The following CCND3 variants were observed in gnomAD, a reference collection of about 807,000 sequenced individuals.
CCND3 encodes cyclin D3.
A neutral mutation model predicts 28.7 loss-of-function variants in CCND3; 9 were observed. That is an observed-to-expected ratio of 0.31 (90% confidence interval 0.19 to 0.55). CCND3 has a LOEUF of 0.55. CCND3 is among the 20% of genes least tolerant of loss of function. The pLI, the probability that CCND3 is intolerant of heterozygous loss-of-function variation, is 0.93. For synonymous variants in CCND3, 164 were observed against 163.9 expected (o/e 1.00, Z 0.00); for missense variants, 315 against 385.8 (o/e 0.82, Z 1.54).
intron 1 of CCND3, among the ~76,000 whole-genome samples, chr6:42,025,864 G>A (rs1763861355): frequency 6.6e-6 from 1 of 152,158 alleles, no homozygotes. Context: ...TCACACACAC[G>A]GAACATGGTA....
At chr6:42,017,649 TTG>T (rs1763562627) in intron 1 of CCND3, among the ~76,000 whole-genome samples, 1 of 152,134 alleles carries the variant, frequency 6.6e-6, no homozygotes, top group Non-Finnish European at 1.5e-5. Context: ...AAGGCAGGCA[TTG>T]TGTCTCATGG....
chr6:42,016,593 CTTTTTTT>C lies in CCND3; in HGVS notation c.-46+31901_-46+31907del, dbSNP rs377188844. On this transcript the variant is annotated intron_variant, in intron 1 of 4. Transcript: ENST00000372988. Reference sequence around the variant, plus strand: ...TGTTAGCTGCTATTACTATCTATTACTTTTTTTTTTTTTTTTTGAGACGGAGTTATTG... The same window carrying C: ...TGTTAGCTGCTATTACTATCTATTACTTTTTTTTTTGAGACGGAGTTATTG... Among the ~76,000 whole-genome samples, 620 of 138,564 alleles carry C rather than the reference CTTTTTTT, an allele frequency of 4.5e-3. 11 individuals are homozygous for C. The highest frequency in any genetic ancestry group is 0.023 in the South Asian group (99 of 4,398). The allele number at this position is 138,564 out of a possible 152,430, so 90.9% of individuals were successfully genotyped here.
At chr6:42,040,041 C>T (rs546322667) in intron 1 of CCND3, among the ~76,000 whole-genome samples, 2 of 152,238 alleles carry the variant, frequency 1.3e-5, no homozygotes, top group African/African-American at 4.8e-5. Context: ...AATGTCTCAA[C>T]AGGGAACCCA....
At chr6:41,978,632 G>A in intron 1 of CCND3, among the ~76,000 whole-genome samples, 1 of 152,056 alleles carries the variant, frequency 6.6e-6, no homozygotes. Flanking sequence ...GGAGGTGTTG[G>A]GGGAAGTGTG....
At chr6:41,978,230 C>T (rs917389576) in intron 1 of CCND3, among the ~76,000 whole-genome samples, 7 of 150,368 alleles carry the variant, frequency 4.7e-5, no homozygotes, top group Admixed American at 1.3e-4. Context: ...AAAAATTAGC[C>T]GGGCACGGTG....
chr6:42,029,540 C>T (rs1763984034), intron 1 of CCND3, among the ~76,000 whole-genome samples: 1 of 152,108 alleles, frequency 6.6e-6, no homozygotes, highest in Admixed American at 6.6e-5. Context: ...GAGACCCCCA[C>T]ACATACTCTC....
At chr6:42,029,391 C>CTA (rs1763980431) in intron 1 of CCND3, among the ~76,000 whole-genome samples, 1 of 152,024 alleles carries the variant, frequency 6.6e-6, no homozygotes, top group African/African-American at 2.4e-5. Flanking sequence ...CTGGCAGTGG[C>CTA]TATAGAAGGG....
At chr6:42,032,846 G>C (rs77320037) in intron 1 of CCND3, among the ~76,000 whole-genome samples, 3,589 of 152,176 alleles carry the variant, frequency 0.024, 154 homozygotes, top group African/African-American at 0.081. Flanking sequence ...TCTCTCTTTC[G>C]AGCCCCTGGC....
At chr6:41,974,181 T>C (rs1762105991) in intron 1 of CCND3, among the ~76,000 whole-genome samples, 1 of 151,818 alleles carries the variant, frequency 6.6e-6, no homozygotes, top group Admixed American at 6.6e-5. Context: ...AGACTCTGTC[T>C]CGAAGAAACA....
chr6:41,972,555 C>A (rs1198464862), intron 1 of CCND3, among the ~76,000 whole-genome samples: 1 of 152,122 alleles, frequency 6.6e-6, no homozygotes, highest in Non-Finnish European at 1.5e-5. Context: ...CCTTTTCCTC[C>A]TTTATAAAAT....
intron 1 of CCND3, among the ~76,000 whole-genome samples, chr6:41,962,939 G>A (rs908967266): frequency 2.6e-5 from 4 of 152,274 alleles, no homozygotes; most frequent in Non-Finnish European, 5.9e-5. Context: ...TTTTAGTAGA[G>A]ACGGGGTTTC....
At position 41,936,825 on chromosome 6, in the gene CCND3, G is replaced by C; in HGVS notation, c.575-130C>G. 1.1e-6 allele frequency: 1 copy of C among 885,682 alleles called. No individual in the cohort carries two copies. The highest frequency in any genetic ancestry group is 1.7e-5 in the South Asian group (1 of 58,602). 54.9% of individuals were successfully genotyped at this position (885,682 alleles called of 1,614,324 possible). ...GAGGACATGCTGGAAAACTCCAGCA[G>C]TGGGTGGGGCAAGATATCAGCAAGG... is the stretch of plus-strand genomic sequence containing the variant. On this transcript the variant is annotated intron_variant, in intron 3 of 4. Transcript: ENST00000372991. The surrounding 1 kb of genome is among the most constrained non-coding windows in gnomAD (Gnocchi z 4.4).
chr6:42,036,406 T>A (rs1380587046), intron 1 of CCND3, among the ~76,000 whole-genome samples: 169 of 94,946 alleles, frequency 1.8e-3, no homozygotes, highest in African/African-American at 5.8e-3. Context: ...TATATATATT[T>A]TTTTTTTTTT....
chr6:42,012,482 A>G (rs1763371754), intron 1 of CCND3, among the ~76,000 whole-genome samples: 1 of 152,040 alleles, frequency 6.6e-6, no homozygotes, highest in African/African-American at 2.4e-5. Context: ...ATGTGCTGTA[A>G]TCCCAGCTCT....
At chr6:41,945,934 T>G (rs1326154094), upstream of CCND3, among the ~76,000 whole-genome samples, 2 of 152,232 alleles carry the variant, frequency 1.3e-5, no homozygotes, top group South Asian at 4.1e-4. Flanking sequence ...GTTATGAACA[T>G]GCATCCATAA....
At chr6:41,972,577 A>T (rs1353171312) in intron 1 of CCND3, among the ~76,000 whole-genome samples, 1 of 152,130 alleles carries the variant, frequency 6.6e-6, no homozygotes, top group Non-Finnish European at 1.5e-5. Context: ...GTGGTTGCAT[A>T]AAGGTTCCCA....
chr6:41,970,787 C>A (rs937852134), intron 1 of CCND3, among the ~76,000 whole-genome samples: 2 of 152,152 alleles, frequency 1.3e-5, no homozygotes, highest in Non-Finnish European at 2.9e-5. Context: ...GAATCAGATG[C>A]AATTGAGAAA....
At chr6:41,959,970 T>C (rs1183727674) in intron 1 of CCND3, among the ~76,000 whole-genome samples, 1 of 130,872 alleles carries the variant, frequency 7.6e-6, no homozygotes, top group East Asian at 2.2e-4. Flanking sequence ...AAAAAAAAAA[T>C]GGAAACAACC....
At chr6:41,976,477 C>A (rs1039575049) in intron 1 of CCND3, among the ~76,000 whole-genome samples, 1 of 151,560 alleles carries the variant, frequency 6.6e-6, no homozygotes, top group Non-Finnish European at 1.5e-5. Context: ...CACAGCGAGA[C>A]CACCATCTCC....
Sources: gnomAD v4.1 joint callset for allele counts (sites outside exome capture counted in the v4.1 genomes callset) on GRCh38, gnomAD v4.1.1 for gene constraint, Gnocchi (gnomAD v3.1) non-coding constraint, MANE v1.5 for transcripts, NCBI Gene and HGNC (gene_info 2026-07-23, HGNC 2026-07-21) for gene names.